SCRG1: variants seen among roughly 807,000 people sequenced by gnomAD.
SCRG1 encodes stimulator of chondrogenesis 1.
Under a neutral mutation model 7.7 loss-of-function variants are expected in SCRG1, and 3 were observed. The observed-to-expected ratio is 0.39, with a 90% confidence interval of 0.18 to 1.01. SCRG1 has a LOEUF of 1.01. Among genes scored for constraint, SCRG1 ranks in the 50% least tolerant of loss-of-function variants. The pLI is 0.36. For synonymous variants in SCRG1, 46 were observed against 41.2 expected (o/e 1.12, Z -0.44); for missense variants, 110 against 117.2 (o/e 0.94, Z 0.28).
chr4:173,475,732 G>A, the SCRG1 span, among the ~76,000 whole-genome samples: 1 of 152,274 alleles, frequency 6.6e-6, no homozygotes, highest in African/African-American at 2.4e-5. Context: ...AAAACATGGT[G>A]TATACATACA....
At chr4:173,427,158 C>T in the SCRG1 span, among the ~76,000 whole-genome samples, 1 of 152,088 alleles carries the variant, frequency 6.6e-6, no homozygotes. Flanking sequence ...GTTAGTTTGC[C>T]CCATTTGCAC....
the SCRG1 span, among the ~76,000 whole-genome samples, chr4:173,515,744 G>T: frequency 1.3e-5 from 2 of 152,062 alleles, no homozygotes; most frequent in Non-Finnish European, 2.9e-5. The surrounding 1 kb of genome is among the most constrained non-coding windows in gnomAD (Gnocchi z 4.6). Context: ...CTTCTCCTTG[G>T]TTATCTTAGT....
chr4:173,487,052 A>T, the SCRG1 span, among the ~76,000 whole-genome samples: 2 of 152,310 alleles, frequency 1.3e-5, no homozygotes, highest in South Asian at 4.1e-4. Context: ...CTTAAAAAGA[A>T]AAAAAGTCTG....
the SCRG1 span, among the ~76,000 whole-genome samples, chr4:173,490,299 C>T: frequency 6.6e-6 from 1 of 152,196 alleles, no homozygotes; most frequent in African/African-American, 2.4e-5. Flanking sequence ...CTTTTAAAAG[C>T]AACCCTGGAA....
At chr4:173,432,187 A>G in the SCRG1 span, among the ~76,000 whole-genome samples, 4 of 151,536 alleles carry the variant, frequency 2.6e-5, no homozygotes, top group Non-Finnish European at 5.9e-5. Context: ...GCCAGCAGTA[A>G]TTTTTCCCTC....
the SCRG1 span, among the ~76,000 whole-genome samples, chr4:173,462,440 T>C: frequency 6.6e-6 from 1 of 152,134 alleles, no homozygotes; most frequent in Non-Finnish European, 1.5e-5. Flanking sequence ...CCTCTTGCCC[T>C]AAAATAGTAT....
At chr4:173,396,592 A>T (rs1668271271) in intron 1 of SCRG1, among the ~76,000 whole-genome samples, 1 of 152,304 alleles carries the variant, frequency 6.6e-6, no homozygotes, top group Admixed American at 6.5e-5. Flanking sequence ...AAGTAAGTAA[A>T]TTGCCATACC....
chr4:173,465,656 T>A, the SCRG1 span, among the ~76,000 whole-genome samples: 1 of 151,474 alleles, frequency 6.6e-6, no homozygotes, highest in African/African-American at 2.4e-5. Context: ...TTTGTATATA[T>A]ACATATTATA....
the SCRG1 span, chr4:173,419,741 TAGC>T: frequency 1.1e-4 from 136 of 1,198,788 alleles, no homozygotes; most frequent in Non-Finnish European, 1.3e-4. Flanking sequence ...TGCGACCAAA[TAGC>T]AGGTAAAGGC....
At chr4:173,405,728 G>C (rs1314474015) in intron 1 of SCRG1, among the ~76,000 whole-genome samples, 1 of 152,122 alleles carries the variant, frequency 6.6e-6, no homozygotes, top group African/African-American at 2.4e-5. Flanking sequence ...GTTGCCTCTT[G>C]TGTCTCTATG....
At chr4:173,408,609 T>C (rs1277397527), upstream of SCRG1, among the ~76,000 whole-genome samples, 1 of 152,148 alleles carries the variant, frequency 6.6e-6, no homozygotes, top group Non-Finnish European at 1.5e-5. Context: ...TAGAGAAGGA[T>C]AAGTATCTGA....
chr4:173,421,087 C>T, the SCRG1 span, among the ~76,000 whole-genome samples: 32 of 152,168 alleles, frequency 2.1e-4, no homozygotes, highest in Non-Finnish European at 4.0e-4. Context: ...CTAAATATCA[C>T]GGTATGTAAC....
chr4:173,419,522 T>C, the SCRG1 span: 3 of 730,298 alleles, frequency 4.1e-6, no homozygotes, highest in African/African-American at 5.2e-5. Context: ...GCGCAGGTCA[T>C]CTGCAAACTT....
In SCRG1 at chr4:173,388,035, C is replaced by A; in HGVS notation, c.*306G>T. 1 of 263,456 alleles carries A rather than the reference C, an allele frequency of 3.8e-6. No homozygotes were observed. The highest frequency in any genetic ancestry group is 7.1e-6 in the Non-Finnish European group (1 of 141,676). The allele number at this position is 263,456 out of a possible 1,614,324, so 16.3% of individuals were successfully genotyped here. ...CTAAGGACTGAAAGTATTTTCAATC[C>A]TTGAGCCATGCCTATGGCTCTTCAT... On this transcript the variant is annotated 3_prime_UTR_variant, in exon 3 of 3. Coordinates refer to ENST00000296506, the MANE Select transcript of SCRG1 (RefSeq NM_007281.4).
the SCRG1 span, among the ~76,000 whole-genome samples, chr4:173,459,801 A>G: frequency 6.6e-6 from 1 of 152,198 alleles, no homozygotes; most frequent in African/African-American, 2.4e-5. Context: ...ACGAAAGTAC[A>G]GTTAGGTGGA....
the SCRG1 span, among the ~76,000 whole-genome samples, chr4:173,484,786 TA>T: frequency 6.4e-5 from 6 of 93,404 alleles, no homozygotes; most frequent in Non-Finnish European, 1.1e-4. Context: ...TATATACATG[TA>T]ATACATATTA....
chr4:173,506,620 G>T, the SCRG1 span, among the ~76,000 whole-genome samples: 6 of 152,192 alleles, frequency 3.9e-5, no homozygotes, highest in East Asian at 1.9e-4. The surrounding 1 kb of genome is among the most constrained non-coding windows in gnomAD (Gnocchi z 5.3). Flanking sequence ...TGAGGGTAGG[G>T]GCGGGCAGAT....
intron 1 of SCRG1, among the ~76,000 whole-genome samples, chr4:173,405,801 T>C (rs553816298): frequency 4.6e-5 from 7 of 152,316 alleles, no homozygotes; most frequent in African/African-American, 1.4e-4. Context: ...TCTTCCTTTC[T>C]GGCACTAAAA....
At position 173,397,558 on chromosome 4, in the gene SCRG1, G is replaced by A. The variant is rs144499745; in HGVS notation, c.-15+1510C>T. Among the ~76,000 whole-genome samples the A allele has an allele frequency of 4.6e-3, 702 of 152,208 alleles. 7 individuals carry two copies. The highest frequency in any genetic ancestry group is 0.016 in the African/African-American group (652 of 41,520). On this transcript the variant is annotated intron_variant, in intron 1 of 2. Transcript: ENST00000296506. The stretch of plus-strand genomic sequence containing the variant: ...TAAGTTTTAATAGATCATTGCAGAG[G>A]ATACAGGATTATGAGCAAGACATTT...
Sources: gnomAD v4.1 joint callset for allele counts (sites outside exome capture counted in the v4.1 genomes callset) on GRCh38, gnomAD v4.1.1 for gene constraint, Gnocchi (gnomAD v3.1) non-coding constraint, MANE v1.5 for transcripts, NCBI Gene and HGNC (gene_info 2026-07-23, HGNC 2026-07-21) for gene names.